The following ERAP1 variants were observed in gnomAD, a reference collection of about 807,000 sequenced individuals.
ERAP1 encodes adipocyte-derived leucine aminopeptidase.
In ERAP1, 86 loss-of-function variants were observed where a neutral mutation model predicts 103.7. The observed-to-expected ratio is 0.83, with a 90% CI of 0.70 to 0.99. ERAP1 has a LOEUF of 0.99. Ranked by LOEUF, ERAP1 falls within the 50% of genes least tolerant of loss-of-function variation. ERAP1 has a pLI of 0.00. For missense variants in ERAP1, 1,009 were observed against 1,128.4 expected (o/e 0.89, Z 1.52); for synonymous variants, 398 against 402.4 (o/e 0.99, Z 0.13).
At chr5:96,850,678 C>T in the ERAP1 span, among the ~76,000 whole-genome samples, 9 of 151,902 alleles carry the variant, frequency 5.9e-5, no homozygotes, top group South Asian at 2.1e-4. Flanking sequence ...GTTAATTAGC[C>T]GGATTCACTC....
rs1774327995 is a variant in ERAP1, at chr5:96,776,510, C to G, written c.2712G>C (p.Gln904His). ...FFSSLKENGS[Q>H]LRCVQQTIET... The stretch of plus-strand genomic sequence containing the variant: ...CAATTGTCTGTTGGACACAACGGAG[C>G]TGAGAACCATTTTCTTTCAAAGAGC... Residue 904 changes from glutamine (Q) to histidine (H), a missense_variant, in exon 19 of 19, where the codon CAG becomes CAC. Gln to His is a conservative substitution (Grantham distance 24, BLOSUM62 0). Transcript: ENST00000443439. 1.2e-6 allele frequency: 2 copies of G among 1,614,138 alleles called. No homozygotes were observed. Among genetic ancestry groups the G allele is most frequent in the Middle Eastern group, 1.6e-4 (1 of 6,062 alleles).
chr5:96,884,960 C>CA, the ERAP1 span, among the ~76,000 whole-genome samples: 2 of 94,076 alleles, frequency 2.1e-5, no homozygotes, highest in African/African-American at 8.5e-5. Context: ...GTGTTTTGTA[C>CA]TTGAGATTAC....
chr5:96,837,949 T>A, the ERAP1 span, among the ~76,000 whole-genome samples: 1 of 152,018 alleles, frequency 6.6e-6, no homozygotes, highest in Non-Finnish European at 1.5e-5. Flanking sequence ...TCAACCTGCT[T>A]ATCTCCAATG....
At chr5:96,934,739 G>C in the ERAP1 span, 1 of 152,324 alleles carries the variant, frequency 6.6e-6, no homozygotes, top group Non-Finnish European at 1.5e-5. Context: ...GTTTGCGCTT[G>C]CCGCGGCTTG....
chr5:96,761,431 A>G (rs1767918393), exon 20 of ERAP1: 1 of 152,174 alleles, frequency 6.6e-6, no homozygotes, highest in South Asian at 2.1e-4. Context: ...TCTTATAGTT[A>G]TCTAAATTAG....
chr5:96,862,893 C>T, the ERAP1 span, among the ~76,000 whole-genome samples: 2 of 152,166 alleles, frequency 1.3e-5, no homozygotes, highest in Non-Finnish European at 2.9e-5. Flanking sequence ...TCCTGTCCCC[C>T]TGCCATTTTG....
the ERAP1 span, among the ~76,000 whole-genome samples, chr5:96,882,025 C>G: frequency 6.6e-6 from 1 of 152,172 alleles, no homozygotes; most frequent in Non-Finnish European, 1.5e-5. Flanking sequence ...CTGCTCTTCC[C>G]TTCCCCACTT....
chr5:96,859,879 A>T, the ERAP1 span, among the ~76,000 whole-genome samples: 1 of 152,156 alleles, frequency 6.6e-6, no homozygotes, highest in East Asian at 1.9e-4. Flanking sequence ...TTTGAGGGAG[A>T]TTTTTCATAC....
the ERAP1 span, among the ~76,000 whole-genome samples, chr5:96,846,416 C>G: frequency 6.6e-6 from 1 of 152,126 alleles, no homozygotes; most frequent in African/African-American, 2.4e-5. Flanking sequence ...GCCCACATTC[C>G]ATAACAATTG....
chr5:96,903,507 T>A, the ERAP1 span: 1 of 1,613,902 alleles, frequency 6.2e-7, no homozygotes, highest in Non-Finnish European at 8.5e-7. Flanking sequence ...ACCACACACT[T>A]CTCAGACCTA....
At chr5:96,828,586 G>T in the ERAP1 span, among the ~76,000 whole-genome samples, 1 of 152,112 alleles carries the variant, frequency 6.6e-6, no homozygotes, top group Admixed American at 6.5e-5. Context: ...GGTGGTATTT[G>T]GATCATAGTT....
chr5:96,816,190 CAG>C, the ERAP1 span, among the ~76,000 whole-genome samples: 1 of 152,150 alleles, frequency 6.6e-6, no homozygotes, highest in Non-Finnish European at 1.5e-5. Context: ...GAAAGGTAGA[CAG>C]AGTCTGGACT....
Position 96,788,581 on chromosome 5 carries a change from G to A in ERAP1, c.1629C>T (p.His543=). ...ITITVRGRNV[H]MKQEHYMKGS... is the part of the protein sequence containing the mutation. ...CCTTCATGTAGTGCTCTTGCTTCATGTGTACATTCCTCCCCCTCACTGTGA... is the reference window on the plus strand; with the variant it reads ...CCTTCATGTAGTGCTCTTGCTTCATATGTACATTCCTCCCCCTCACTGTGA... The change falls in exon 11 of 19, where the codon CAC becomes CAT. Residue 543 remains histidine, a synonymous_variant. Coordinates refer to ENST00000443439, the MANE Select transcript of ERAP1 (RefSeq NM_001040458.3). 6.2e-7 allele frequency: 1 copy of A among 1,614,198 alleles called. No homozygotes were observed. The highest frequency in any genetic ancestry group is 8.5e-7 in the Non-Finnish European group (1 of 1,180,032).
At chr5:96,915,616 T>C in the ERAP1 span, 1 of 820,918 alleles carries the variant, frequency 1.2e-6, no homozygotes, top group Non-Finnish European at 1.8e-6. Flanking sequence ...ACATTAAAAA[T>C]ATAATACATG....
At chr5:96,879,537 T>C in the ERAP1 span, 2 of 605,188 alleles carry the variant, frequency 3.3e-6, no homozygotes, top group Non-Finnish European at 2.9e-6. Flanking sequence ...TTTTTTGTCA[T>C]GCTATAAGTG....
chr5:96,868,331 G>A, the ERAP1 span, among the ~76,000 whole-genome samples: 6 of 152,112 alleles, frequency 3.9e-5, no homozygotes, highest in Non-Finnish European at 8.8e-5. Context: ...ACTGGTTATC[G>A]GTGTGGCCAT....
intron 13 of ERAP1, 90 bp from the exon 14 acceptor site, chr5:96,784,170 A>G: frequency 1.5e-6 from 2 of 1,366,624 alleles, no homozygotes; most frequent in South Asian, 1.2e-5. Flanking sequence ...TTCTAGCAAA[A>G]CAAGCAATCA....
At chr5:96,802,334 T>A (rs920782250) in intron 2 of ERAP1, among the ~76,000 whole-genome samples, 1 of 151,912 alleles carries the variant, frequency 6.6e-6, no homozygotes, top group Non-Finnish European at 1.5e-5. Flanking sequence ...CTTCCCAACA[T>A]ATTAAGTTAA....
intron 13 of ERAP1, chr5:96,784,896 C>T (rs1168916880): frequency 6.6e-6 from 1 of 151,820 alleles, no homozygotes; most frequent in Non-Finnish European, 1.5e-5. Flanking sequence ...AAGAAGAAGC[C>T]CTCTAAGGCT....
Sources: gnomAD v4.1 joint callset for allele counts (sites outside exome capture counted in the v4.1 genomes callset) on GRCh38, gnomAD v4.1.1 for gene constraint, MANE v1.5 for transcripts, NCBI Gene and HGNC (gene_info 2026-07-23, HGNC 2026-07-21) for gene names.